The following GCNT2 variants were observed in gnomAD, a reference collection of about 807,000 sequenced individuals.
GCNT2 encodes the protein N-acetyllactosaminide beta-1,6-N-acetylglucosaminyl-transferase.
GCNT2 carries 34 observed loss-of-function variants against 34.2 expected under a neutral mutation model. That is an observed-to-expected ratio of 1.00 (90% CI 0.76 to 1.32). The LOEUF (loss-of-function observed/expected upper bound fraction) is 1.32, where lower values mean the gene tolerates loss of function less well. Among genes scored for constraint, GCNT2 ranks in the 40% most tolerant of loss-of-function variants. GCNT2 has a pLI of 0.00. For synonymous variants in GCNT2, 212 were observed against 188.0 expected (o/e 1.13, Z -1.04); for missense variants, 584 against 489.4 (o/e 1.19, Z -1.82).
intron 3 of GCNT2, among the ~76,000 whole-genome samples, chr6:10,609,871 A>G (rs1041958726): frequency 6.7e-6 from 1 of 150,164 alleles, no homozygotes; most frequent in African/African-American, 2.4e-5. Flanking sequence ...GAGGTCTAGG[A>G]TGAGACCAAG....
intron 3 of GCNT2, among the ~76,000 whole-genome samples, chr6:10,603,066 A>G (rs907686049): frequency 6.6e-6 from 1 of 152,216 alleles, no homozygotes; most frequent in Admixed American, 6.5e-5. Flanking sequence ...TTATTACTTG[A>G]TGTTCAAGTG....
At chr6:10,586,078 C>T (rs1468264705) in intron 3 of GCNT2, 2 of 1,613,960 alleles carry the variant, frequency 1.2e-6, no homozygotes, top group African/African-American at 2.7e-5. Flanking sequence ...TTGAGCCCGC[C>T]AAAAAGTTAT....
chr6:10,540,137 A>AAGGAAGAG (rs915890905), intron 3 of GCNT2, among the ~76,000 whole-genome samples: 1 of 151,934 alleles, frequency 6.6e-6, no homozygotes, highest in Non-Finnish European at 1.5e-5. Context: ...GGAAGGAAGG[A>AAGGAAGAG]AGGAAGAGAG....
rs573606955 is a variant in GCNT2 at position 10,585,840 on chromosome 6, C to T, written c.926-35511C>T. The T allele has an allele frequency of 1.5e-4, 218 of 1,489,988 alleles. No individual in the cohort carries two copies. In the Admixed American group the frequency reaches 1.5e-3, roughly 10 times the overall value. 92.3% of individuals were successfully genotyped at this position (1,489,988 alleles called of 1,614,324 possible). On this transcript the variant is annotated intron_variant, in intron 3 of 4. Transcript: ENST00000495262. The stretch of plus-strand genomic sequence containing the variant: ...GGACGAGACACCGAAGCAGAGGATA[C>T]AGGAGGATTAAAGGATTCAGGAAAG...
intron 3 of GCNT2, among the ~76,000 whole-genome samples, chr6:10,591,229 G>A (rs1764627567): frequency 6.6e-6 from 1 of 152,218 alleles, no homozygotes; most frequent in South Asian, 2.1e-4. Context: ...CTATGCACCT[G>A]CCTGATCTGA....
intron 3 of GCNT2, among the ~76,000 whole-genome samples, chr6:10,582,890 C>G (rs1240785459): frequency 2.0e-5 from 3 of 152,046 alleles, no homozygotes; most frequent in African/African-American, 4.8e-5. Flanking sequence ...CAAGAGGTAT[C>G]TCATTTAGTC....
At chr6:10,604,198 A>G (rs369623052) in intron 3 of GCNT2, among the ~76,000 whole-genome samples, 4 of 152,218 alleles carry the variant, frequency 2.6e-5, no homozygotes, top group Admixed American at 6.5e-5. Flanking sequence ...CGCCCAGCCT[A>G]TGCTTTCTTA....
At chr6:10,570,296 A>T (rs982255575) in intron 3 of GCNT2, among the ~76,000 whole-genome samples, 11 of 152,142 alleles carry the variant, frequency 7.2e-5, no homozygotes, top group African/African-American at 2.7e-4. Context: ...CTTTCCCCAA[A>T]TCCATTTACC....
In GCNT2 at chr6:10,539,976, G is replaced by C. The variant is rs371177774; in HGVS notation, c.925+10140G>C. ...GCCGGTAGTCCCAGCTACTTGGGAG[G>C]CTGAAGCAGGAGGATCGCTTGAGCA... On this transcript the variant is annotated intron_variant, in intron 3 of 4. Transcript: ENST00000495262. Among the ~76,000 whole-genome samples the C allele has an allele frequency of 8.1e-4, 124 of 152,306 alleles. 3 individuals are homozygous for C. In the Middle Eastern group the frequency reaches 0.014, roughly 17 times the overall value.
In GCNT2 at chr6:10,589,019, T is replaced by C. The variant is rs1764495599; in HGVS notation, c.926-32332T>C. Reference sequence around the variant, plus strand: ...TGTGGGTGTGTGTGTGGTGTGTATATGTGGTGTATGTGCGTGGTATGTGTA... The same window carrying C: ...TGTGGGTGTGTGTGTGGTGTGTATACGTGGTGTATGTGCGTGGTATGTGTA... On this transcript the variant is annotated intron_variant, in intron 3 of 4. Transcript: ENST00000495262. Among the ~76,000 whole-genome samples the C allele has an allele frequency of 3.5e-5, 5 of 142,598 alleles. No homozygotes were observed. In the South Asian group the frequency reaches 7.0e-4, roughly 20 times the overall value. 93.5% of individuals were successfully genotyped at this position (142,598 alleles called of 152,430 possible). A position where few individuals can be genotyped will look rare whatever the true frequency, so the allele number is the denominator to read the frequency against.
chr6:10,529,284 T>C lies in GCNT2; in HGVS notation c.373T>C (p.Cys125Arg). 6.2e-7 allele frequency: 1 copy of C among 1,614,182 alleles called. No homozygotes were observed. The highest frequency in any genetic ancestry group is 2.2e-5 in the East Asian group (1 of 44,882). ...RAIYMPQNVY[C>R]VHLDQKATDA... is the part of the protein sequence containing the mutation. ...GATTTATATGCCCCAAAATGTCTAC[T>C]GTGTGCACCTGGATCAGAAGGCGAC... The change falls in exon 3 of 5, where the codon TGT (cysteine) becomes CGT (arginine). Residue 125 changes from cysteine (C) to arginine (R), a missense_variant. Transcript: ENST00000495262.
intron 3 of GCNT2, among the ~76,000 whole-genome samples, chr6:10,538,293 A>G (rs1761865511): frequency 6.6e-6 from 1 of 150,474 alleles, no homozygotes; most frequent in East Asian, 2.0e-4. Context: ...CTGTAATCCC[A>G]GCTACTCGGG....
Position 10,529,008 on chromosome 6 carries a change from C to T in GCNT2, c.97C>T (p.Arg33Cys), listed in dbSNP as rs771588756. Residue 33 changes from arginine to cysteine, a missense_variant, in exon 3 of 5, where the codon CGT (arginine) becomes TGT (cysteine). Arg to Cys is a radical substitution (Grantham distance 180). Coordinates refer to ENST00000495262, the MANE Select transcript of GCNT2 (RefSeq NM_145649.5). The stretch of plus-strand genomic sequence containing the variant: ...CAATACTGAGTTATGGGAGAATAAA[C>T]GTTTTCTGAGGGCAGCTCTGTCCAA... ...VYNTELWENK[R>C]FLRAALSNAS... 1.9e-5 allele frequency: 30 copies of T among 1,613,764 alleles called. No homozygotes were observed. Among genetic ancestry groups the T allele is most frequent in the Middle Eastern group, 1.6e-4 (1 of 6,084 alleles).
chr6:10,529,997 TGTGTTATA>T, intron 3 of GCNT2, 161 bp downstream of exon 3: 2 of 645,092 alleles, frequency 3.1e-6, no homozygotes, highest in East Asian at 5.5e-5. Context: ...AAAATGGAGA[TGTGTTATA>T]TCACCCACTC....
chr6:10,539,214 A>C (rs1164909371), intron 3 of GCNT2, among the ~76,000 whole-genome samples: 1 of 45,466 alleles, frequency 2.2e-5, no homozygotes, highest in South Asian at 1.5e-3. Flanking sequence ...TTTGAGGCAG[A>C]GTTTCACCCT....
intron 3 of GCNT2, among the ~76,000 whole-genome samples, chr6:10,549,199 G>T (rs1281610466): frequency 6.6e-6 from 1 of 152,162 alleles, no homozygotes; most frequent in Non-Finnish European, 1.5e-5. Context: ...TCACAACACG[G>T]CATTTTTCAG....
At chr6:10,609,723 G>A (rs562773443) in intron 3 of GCNT2, among the ~76,000 whole-genome samples, 1 of 152,320 alleles carries the variant, frequency 6.6e-6, no homozygotes, top group South Asian at 2.1e-4. Context: ...GCAAAGGAAA[G>A]AAATGACAGT....
chr6:10,564,485 T>C (rs964577656), intron 3 of GCNT2, among the ~76,000 whole-genome samples: 1 of 152,080 alleles, frequency 6.6e-6, no homozygotes, highest in Non-Finnish European at 1.5e-5. Flanking sequence ...GGCTCCAGAG[T>C]CAGAGAGAAC....
intron 3 of GCNT2, among the ~76,000 whole-genome samples, chr6:10,589,299 AGT>A (rs1469074486): frequency 1.6e-5 from 2 of 122,318 alleles, no homozygotes; most frequent in Non-Finnish European, 3.4e-5. Context: ...TGTGGTGTGT[AGT>A]GTGTGGTGTG....
Sources: allele counts gnomAD v4.1 joint callset (sites outside exome capture counted in the v4.1 genomes callset), GRCh38; gene constraint gnomAD v4.1.1; transcripts MANE v1.5; gene names NCBI Gene and HGNC (gene_info 2026-07-23, HGNC 2026-07-21).